The following POLK variants were observed in gnomAD, a reference collection of about 807,000 sequenced individuals.
POLK encodes DNA polymerase kappa.
In POLK, 76 loss-of-function variants were observed where a neutral mutation model predicts 94.0. That is an observed-to-expected ratio of 0.81 (90% CI 0.67 to 0.98). The LOEUF is 0.98. POLK is among the 50% of genes least tolerant of loss of function. The pLI is 0.00. For synonymous variants in POLK, 349 were observed against 325.4 expected, an observed-to-expected ratio of 1.07 and a Z score of -0.78; for missense variants, 954 against 1,010.1, an observed-to-expected ratio of 0.94 and a Z score of 0.75.
chr5:75,575,310 G>A (rs1185803280), intron 5 of POLK, among the ~76,000 whole-genome samples: 1 of 152,154 alleles, frequency 6.6e-6, no homozygotes, highest in East Asian at 1.9e-4. Context: ...CTCCTGAGTA[G>A]CTAGATTGAC....
At chr5:75,563,506 T>G (rs57057408) in intron 3 of POLK, among the ~76,000 whole-genome samples, 1,874 of 152,324 alleles carry the variant, frequency 0.012, 39 homozygotes, top group African/African-American at 0.043. Context: ...TGATTTTAGA[T>G]CGTTCCTGCT....
intron 1 of POLK, among the ~76,000 whole-genome samples, chr5:75,520,173 C>A (rs1335719602): frequency 1.3e-5 from 2 of 152,110 alleles, no homozygotes; most frequent in African/African-American, 4.8e-5. Context: ...TTAAAAACTT[C>A]TACACTTTAA....
intron 1 of POLK, among the ~76,000 whole-genome samples, chr5:75,543,372 A>C (rs1007154883): frequency 5.3e-5 from 8 of 152,036 alleles, no homozygotes; most frequent in African/African-American, 1.9e-4. Context: ...AACCTGAATA[A>C]ATTCGGGGTG....
At chr5:75,526,959 G>T (rs1012280015) in intron 1 of POLK, among the ~76,000 whole-genome samples, 23 of 152,260 alleles carry the variant, frequency 1.5e-4, no homozygotes, top group African/African-American at 5.5e-4. Context: ...TAGATAAAGA[G>T]AGTCAGCTAG....
intron 1 of POLK, among the ~76,000 whole-genome samples, chr5:75,526,754 G>A (rs760592002): frequency 1.1e-4 from 17 of 151,670 alleles, no homozygotes; most frequent in Admixed American, 2.6e-4. Flanking sequence ...GCTAATTTTT[G>A]TATTTTTAGT....
chr5:75,597,860 TAATC>T, intron 14 of POLK, 70 bp from the exon 15 acceptor site: 4 of 1,133,510 alleles, frequency 3.5e-6, no homozygotes, highest in Non-Finnish European at 5.0e-6. Flanking sequence ...AATTATTAAG[TAATC>T]AATATTAAAA....
intron 3 of POLK, among the ~76,000 whole-genome samples, chr5:75,567,466 T>C (rs1771339811): frequency 6.6e-6 from 1 of 152,246 alleles, no homozygotes; most frequent in African/African-American, 2.4e-5. Context: ...TTCCATTTAT[T>C]AGGTATGGGA....
intron 3 of POLK, among the ~76,000 whole-genome samples, chr5:75,564,369 G>C (rs555661926): frequency 6.6e-6 from 1 of 152,016 alleles, no homozygotes; most frequent in Non-Finnish European, 1.5e-5. Flanking sequence ...GATGGGTCTT[G>C]ACTCTTTATC....
chr5:75,584,742 A>G lies in POLK; in HGVS notation c.1060-18A>G. On this transcript the variant is annotated intron_variant, in intron 8 of 14. Coordinates refer to ENST00000241436, the Ensembl canonical transcript of POLK. ...TCACTTTAAAATCTATTAATAATAA[A>G]TATTGATTCTTTTCTAGGTTTCTGG... 1 of 1,369,322 alleles carries G rather than the reference A, an allele frequency of 7.3e-7. No individual in the cohort carries two copies. The highest frequency in any genetic ancestry group is 2.3e-5 in the Admixed American group (1 of 42,700). The allele number at this position is 1,369,322 out of a possible 1,614,324, so 84.8% of individuals were successfully genotyped here.
At chr5:75,524,713 T>C (rs747478592) in intron 1 of POLK, among the ~76,000 whole-genome samples, 4 of 151,834 alleles carry the variant, frequency 2.6e-5, no homozygotes, top group Non-Finnish European at 4.4e-5. Flanking sequence ...CCTTACAGAG[T>C]GAGATTCTCA....
At chr5:75,602,342 G>C (rs1045697171), downstream of POLK, among the ~76,000 whole-genome samples, 4 of 152,088 alleles carry the variant, frequency 2.6e-5, no homozygotes, top group South Asian at 2.1e-4. Context: ...AAACTATCTC[G>C]TCAAACTAAC....
At chr5:75,518,170 T>TTTTTG (rs1297151861) in intron 1 of POLK, among the ~76,000 whole-genome samples, 5 of 152,278 alleles carry the variant, frequency 3.3e-5, no homozygotes, top group South Asian at 2.1e-4. Flanking sequence ...CCTCTTTAAT[T>TTTTTG]TTTTGTTTTG....
At chr5:75,527,846 G>A (rs1478882042) in intron 1 of POLK, among the ~76,000 whole-genome samples, 1 of 152,048 alleles carries the variant, frequency 6.6e-6, no homozygotes, top group Non-Finnish European at 1.5e-5. Context: ...AAATTTATAG[G>A]CATAGATATT....
At chr5:75,544,935 C>T (rs1580980569) in intron 1 of POLK, among the ~76,000 whole-genome samples, 1 of 152,172 alleles carries the variant, frequency 6.6e-6, no homozygotes, top group African/African-American at 2.4e-5. Flanking sequence ...CCCCTGGGCA[C>T]TACGAAATAA....
chr5:75,576,495 T>C (rs1377870944), intron 5 of POLK, among the ~76,000 whole-genome samples: 1 of 152,178 alleles, frequency 6.6e-6, no homozygotes, highest in Admixed American at 6.5e-5. Context: ...TTCTGAGATT[T>C]ATTTGAATTG....
chr5:75,566,320 G>A (rs754371501), intron 3 of POLK, among the ~76,000 whole-genome samples: 4 of 152,182 alleles, frequency 2.6e-5, no homozygotes, highest in Non-Finnish European at 4.4e-5. Flanking sequence ...CGTGGGATCC[G>A]CTGAGCCAGA....
exon 13 of POLK, chr5:75,597,062 A>G: frequency 1.2e-6 from 2 of 1,613,394 alleles, no homozygotes; most frequent in Non-Finnish European, 1.7e-6. Context: ...AAGACTTCAG[A>G]TCTAACCCTG....
At chr5:75,541,335 C>T (rs752813768) in intron 1 of POLK, among the ~76,000 whole-genome samples, 17 of 151,894 alleles carry the variant, frequency 1.1e-4, no homozygotes, top group Non-Finnish European at 1.9e-4. Flanking sequence ...AAACTTGGGG[C>T]TTGGGGAATT....
chr5:75,557,568 A>C (rs1048391390), intron 3 of POLK, among the ~76,000 whole-genome samples: 1 of 152,216 alleles, frequency 6.6e-6, no homozygotes, highest in Non-Finnish European at 1.5e-5. Flanking sequence ...ATAAGTCCAG[A>C]TATTCCCTGA....
Sources: allele counts gnomAD v4.1 joint callset (sites outside exome capture counted in the v4.1 genomes callset), GRCh38; gene constraint gnomAD v4.1.1; transcripts MANE v1.5; gene names NCBI Gene and HGNC (gene_info 2026-07-23, HGNC 2026-07-21).